SYT7: variants seen among roughly 807,000 people sequenced by gnomAD.
SYT7 encodes the protein synaptotagmin 7, also known as synaptotagmin-7.
SYT7 carries 29 observed loss-of-function variants against 75.1 expected under a neutral mutation model. The observed-to-expected ratio is 0.39, with a 90% CI of 0.29 to 0.53. The LOEUF (loss-of-function observed/expected upper bound fraction) is 0.53. Among genes scored for constraint, SYT7 ranks in the 20% least tolerant of loss-of-function variants. The probability of loss-of-function intolerance (pLI) is 0.77; values close to 1 mark genes in which losing one functional copy is unlikely to be tolerated. For synonymous variants in SYT7, 376 were observed against 401.7 expected, an observed-to-expected ratio of 0.94 and a Z score of 0.76; for missense variants, 693 against 953.2, an observed-to-expected ratio of 0.73 and a Z score of 3.59.
At chr11:61,572,814 G>C (rs1422726220) in intron 1 of SYT7, among the ~76,000 whole-genome samples, 1 of 152,122 alleles carries the variant, frequency 6.6e-6, no homozygotes, top group African/African-American at 2.4e-5. Context: ...GCACCCATCT[G>C]ACCCCCACTC....
intron 1 of SYT7, among the ~76,000 whole-genome samples, chr11:61,564,913 T>G (rs2063727724): frequency 6.6e-6 from 1 of 152,134 alleles, no homozygotes; most frequent in African/African-American, 2.4e-5. Context: ...GGTTGGGGGC[T>G]GGGTATCTGG....
rs1049711843 is a variant in SYT7, at chr11:61,514,450, G to A, written c.*4177C>T. On this transcript the variant is annotated 3_prime_UTR_variant, in exon 13 of 13. Transcript: ENST00000539008. ...GAGCAGAGGGCGGATGGGATGGCCCGCTTCACTCCTGGTGGGGGCAGGGGC... is the reference window on the plus strand; with the variant it reads ...GAGCAGAGGGCGGATGGGATGGCCCACTTCACTCCTGGTGGGGGCAGGGGC... 2.0e-4 allele frequency among the ~76,000 whole-genome samples: 31 copies of A among 152,236 alleles called. No individual in the cohort carries two copies. The highest frequency in any genetic ancestry group is 1.0e-3 in the Admixed American group (16 of 15,284).
Position 61,542,536 on chromosome 11 carries a change from T to C in SYT7, c.616A>G (p.Ile206Val), listed in dbSNP as rs1223589574. The stretch of plus-strand genomic sequence containing the variant: ...TTCGGCTCTCCCGTGGAGCTGGGGA[T>C]AGACTCAAGGGTAGTGGCCGTGGAC... ...TLSTATTLES[I>V]PSSTGEPKCQ... Residue 206 changes from isoleucine (I) to valine (V), a missense_variant, in exon 6 of 13, where the codon ATC becomes GTC. Coordinates refer to ENST00000539008, the MANE Select transcript of SYT7 (RefSeq NM_001365809.2). The surrounding 1 kb of genome is among the most constrained non-coding windows in gnomAD (Gnocchi z 7.8). The C allele has an allele frequency of 2.0e-6, 3 of 1,529,504 alleles. No individual in the cohort carries two copies. The highest frequency in any genetic ancestry group is 2.6e-6 in the Non-Finnish European group (3 of 1,143,638). 94.7% of individuals were successfully genotyped at this position (1,529,504 alleles called of 1,614,324 possible).
chr11:61,534,255 G>C (rs1480125998), intron 7 of SYT7, among the ~76,000 whole-genome samples: 1 of 152,182 alleles, frequency 6.6e-6, no homozygotes, highest in Non-Finnish European at 1.5e-5. Flanking sequence ...ATGGCCCTCT[G>C]GTAGAGACCA....
At chr11:61,526,623 C>T (rs1317178114) in intron 9 of SYT7, 1 of 152,252 alleles carries the variant, frequency 6.6e-6, no homozygotes, top group Non-Finnish European at 1.5e-5. Flanking sequence ...GAGTGCCCAG[C>T]TCATGGCTGT....
At chr11:61,530,178 C>T (rs2062660935) in intron 8 of SYT7, among the ~76,000 whole-genome samples, 1 of 152,224 alleles carries the variant, frequency 6.6e-6, no homozygotes, top group Non-Finnish European at 1.5e-5. Context: ...GAATGGAACC[C>T]AGTTTATCGG....
rs2062455852 is a variant in SYT7, at chr11:61,524,638, G to A, written c.1472-106C>T. The A allele has an allele frequency of 1.1e-5, 13 of 1,149,474 alleles. No individual in the cohort carries two copies. The highest frequency in any genetic ancestry group is 3.1e-5 in the South Asian group (2 of 63,728). The allele number at this position is 1,149,474 out of a possible 1,614,324, so 71.2% of individuals were successfully genotyped here. ...GAGGAGGCAGGCCCTGTGCCCTCCCGCTGCCACCCCACCGGGCCAGCAGGC... is the reference window on the plus strand; with the variant it reads ...GAGGAGGCAGGCCCTGTGCCCTCCCACTGCCACCCCACCGGGCCAGCAGGC... On this transcript the variant is annotated intron_variant, in intron 9 of 12. Transcript: ENST00000539008. The surrounding 1 kb of genome is among the most constrained non-coding windows in gnomAD (Gnocchi z 4.1).
At chr11:61,526,258 G>C (rs960482197) in intron 9 of SYT7, 1 of 152,142 alleles carries the variant, frequency 6.6e-6, no homozygotes, top group Non-Finnish European at 1.5e-5. Flanking sequence ...AGCCTCCCAG[G>C]GACCTTGCCC....
intron 6 of SYT7, among the ~76,000 whole-genome samples, chr11:61,538,904 G>C (rs546932732): frequency 7.2e-5 from 11 of 152,342 alleles, no homozygotes; most frequent in Non-Finnish European, 1.5e-4. Flanking sequence ...TTGAAGCCAG[G>C]TAGGGTCTAA....
At chr11:61,525,421 G>A (rs1385801649) in intron 9 of SYT7, among the ~76,000 whole-genome samples, 2 of 151,856 alleles carry the variant, frequency 1.3e-5, no homozygotes, top group Non-Finnish European at 2.9e-5. Flanking sequence ...CAGCCACATC[G>A]GCCTCCTTCC....
At chr11:61,585,831 G>A (rs780644949), upstream of SYT7, among the ~76,000 whole-genome samples, 16 of 152,076 alleles carry the variant, frequency 1.1e-4, no homozygotes, top group Admixed American at 2.0e-4. Context: ...TCTGAGACTC[G>A]AACTCGGGTC....
At chr11:61,583,718 G>A (rs1461699755), upstream of SYT7, among the ~76,000 whole-genome samples, 2 of 152,178 alleles carry the variant, frequency 1.3e-5, no homozygotes, top group Non-Finnish European at 2.9e-5. Flanking sequence ...GGCATTAGAC[G>A]GTCCTTGTTC....
rs911247745 is a variant in SYT7 at position 61,547,377 on chromosome 11, G to A, written c.216-69C>T. ...AAGAAACAAGAACTGCAAGTCCTGC[G>A]GGGGCAGAAGGGACCAGGACCCCGG... is the stretch of plus-strand genomic sequence containing the variant. On this transcript the variant is annotated intron_variant, in intron 3 of 12. Coordinates refer to ENST00000539008, the MANE Select transcript of SYT7 (RefSeq NM_001365809.2). The A allele has an allele frequency of 4.0e-5, 61 of 1,511,324 alleles. No homozygotes were observed. In the African/African-American group the frequency reaches 6.1e-4, roughly 15 times the overall value. 93.6% of individuals were successfully genotyped at this position (1,511,324 alleles called of 1,614,324 possible). A position where few individuals can be genotyped will look rare whatever the true frequency, so the allele number is the denominator to read the frequency against.
upstream of SYT7, among the ~76,000 whole-genome samples, chr11:61,584,240 C>T (rs2064338005): frequency 1.3e-5 from 2 of 150,946 alleles, no homozygotes; most frequent in African/African-American, 4.9e-5. Context: ...AAAAAAAATA[C>T]AAAAATTAGC....
chr11:61,533,611 T>C (rs1056808430), intron 7 of SYT7: 25 of 985,216 alleles, frequency 2.5e-5, no homozygotes, highest in African/African-American at 3.5e-5. Context: ...CACCTGTGTT[T>C]GCTTGGGCTC....
At chr11:61,579,180 T>A (rs1217845393) in intron 1 of SYT7, among the ~76,000 whole-genome samples, 2 of 152,218 alleles carry the variant, frequency 1.3e-5, no homozygotes, top group African/African-American at 4.8e-5. Flanking sequence ...GATAGTGTCC[T>A]TATTTCTTCC....
rs2064234527 is a variant in SYT7 at position 61,580,660 on chromosome 11, G to A, written c.31+130C>T. On this transcript the variant is annotated intron_variant, in intron 1 of 12. Coordinates refer to ENST00000539008, the MANE Select transcript of SYT7 (RefSeq NM_001365809.2). This position sits in a 1 kb window ranked among gnomAD's most constrained non-coding sequence, Gnocchi z 6.1. Reference sequence around the variant, plus strand: ...GATCCCGCGCCCCCGGGGCTGGGATGACCCCTGGGGGAGCCCGTGCGGCTC... The same window carrying A: ...GATCCCGCGCCCCCGGGGCTGGGATAACCCCTGGGGGAGCCCGTGCGGCTC... 6 of 539,976 alleles carry A rather than the reference G, an allele frequency of 1.1e-5. No homozygotes were observed. In the South Asian group the frequency reaches 3.6e-4, roughly 32 times the overall value. 33.4% of individuals were successfully genotyped at this position (539,976 alleles called of 1,614,324 possible).
At chr11:61,569,278 G>C (rs2063855583) in intron 1 of SYT7, among the ~76,000 whole-genome samples, 1 of 152,176 alleles carries the variant, frequency 6.6e-6, no homozygotes. Flanking sequence ...CAGGGGGGTT[G>C]TGGAGGTACT....
intron 6 of SYT7, 147 bp from the exon 7 acceptor site, chr11:61,538,413 AAGAG>A (rs1231103081): frequency 1.2e-5 from 8 of 654,794 alleles, no homozygotes; most frequent in African/African-American, 2.2e-5. Flanking sequence ...GACAGAGACA[AAGAG>A]AGAGAAGAAA....
Sources: gnomAD v4.1 joint callset for allele counts (sites outside exome capture counted in the v4.1 genomes callset) on GRCh38, gnomAD v4.1.1 for gene constraint, Gnocchi (gnomAD v3.1) non-coding constraint, MANE v1.5 for transcripts, NCBI Gene and HGNC (gene_info 2026-07-23, HGNC 2026-07-21) for gene names.